LRIG1: variants seen among roughly 807,000 people sequenced by gnomAD.
LRIG1 encodes leucine-rich repeats and immunoglobulin-like domains protein 1.
Under a neutral mutation model 99.2 loss-of-function variants are expected in LRIG1, and 48 were observed. That is an observed-to-expected ratio of 0.48 (90% CI 0.38 to 0.62). The LOEUF (loss-of-function observed/expected upper bound fraction) is 0.62, where lower values mean the gene tolerates loss of function less well. Ranked by LOEUF, LRIG1 falls within the 20% of genes least tolerant of loss-of-function variation. The pLI is 0.00. For missense variants in LRIG1, 1,646 were observed against 1,434.4 expected, an observed-to-expected ratio of 1.15 and a Z score of -2.38; for synonymous variants, 772 against 596.1, an observed-to-expected ratio of 1.29 and a Z score of -4.30.
In LRIG1 at chr3:66,428,071, T is replaced by C. The variant is rs151176450; in HGVS notation, c.366-10805A>G. Among the ~76,000 whole-genome samples the C allele has an allele frequency of 4.9e-3, 743 of 152,334 alleles. 10 individuals carry two copies. The highest frequency in any genetic ancestry group is 0.013 in the African/African-American group (540 of 41,580). Reference sequence around the variant, plus strand: ...ATTGAGTTATTTCCAATTCAGGCTATTGCAAAAATCACAGCTATGAACACG... The same window carrying C: ...ATTGAGTTATTTCCAATTCAGGCTACTGCAAAAATCACAGCTATGAACACG... On this transcript the variant is annotated intron_variant, in intron 3 of 18. Coordinates refer to ENST00000273261, the MANE Select transcript of LRIG1 (RefSeq NM_015541.3).
intron 1 of LRIG1, among the ~76,000 whole-genome samples, chr3:66,474,035 T>G (rs1003472608): frequency 6.6e-6 from 1 of 152,240 alleles, no homozygotes; most frequent in Non-Finnish European, 1.5e-5. Flanking sequence ...TCCCTGGTTC[T>G]GGTTGTTGAA....
rs35066235 is a variant in LRIG1, at chr3:66,380,824, G to T, written c.2808C>A (p.Thr936=). 11 of 1,614,060 alleles carry T rather than the reference G, an allele frequency of 6.8e-6. No homozygotes were observed. Among genetic ancestry groups the T allele is most frequent in the Non-Finnish European group, 8.5e-6 (10 of 1,180,042 alleles). ...GTCCCCTGGAGTAACAGTCCACTTC[G>T]GTGTTGCAGTCACTGCATACGACCC... is the stretch of plus-strand genomic sequence containing the variant. The part of the protein sequence containing the change: ...GGRVVCSDCN[T]EVDCYSRGQA... Residue 936 remains threonine (T), a synonymous_variant, in exon 18 of 19, where the codon ACC becomes ACA. Coordinates refer to ENST00000273261, the MANE Select transcript of LRIG1 (RefSeq NM_015541.3).
At chr3:66,409,898 G>A (rs1307854932) in intron 7 of LRIG1, 2 of 457,260 alleles carry the variant, frequency 4.4e-6, no homozygotes, top group Non-Finnish European at 7.8e-6. Flanking sequence ...TGCTACTCCT[G>A]GAGCCCCTGC....
chr3:66,436,677 G>A (rs1287873731), intron 3 of LRIG1, among the ~76,000 whole-genome samples: 3 of 152,082 alleles, frequency 2.0e-5, no homozygotes, highest in Non-Finnish European at 4.4e-5. Flanking sequence ...TGAAGAGGAG[G>A]GGGGAATATA....
rs575091546 is a variant in LRIG1 at position 66,382,636 on chromosome 3, G to A, written c.2492-238C>T. 6.6e-5 allele frequency among the ~76,000 whole-genome samples: 10 copies of A among 152,274 alleles called. No homozygotes were observed. In the East Asian group the frequency reaches 1.5e-3, roughly 24 times the overall value. The stretch of plus-strand genomic sequence containing the variant: ...CAGACGCCACAAGAAGTGGAGACCA[G>A]TGATGGAAAGCCGGGGCTCACAGAA... On this transcript the variant is annotated intron_variant, in intron 15 of 18. Coordinates refer to ENST00000273261, the MANE Select transcript of LRIG1 (RefSeq NM_015541.3).
At chr3:66,403,658 G>A (rs918827985) in intron 9 of LRIG1, among the ~76,000 whole-genome samples, 1 of 152,204 alleles carries the variant, frequency 6.6e-6, no homozygotes, top group Admixed American at 6.5e-5. Context: ...GACTCATGCA[G>A]CACTGGAAGC....
chr3:66,500,283 G>T lies in LRIG1; in HGVS notation c.125C>A (p.Ala42Glu), dbSNP rs1220665821. The stretch of plus-strand genomic sequence containing the variant: ...GTCCCCAGCGCAAGTGCAGGCGGCC[G>T]CGCAGGGCGCCCGCGGGCCGGCCGC... ...TAAAGPRAPC[A>E]AACTCAGDSL... is the part of the protein sequence containing the mutation. Residue 42 changes from alanine (A) to glutamate (E), a missense_variant, in exon 1 of 19, where the codon GCG becomes GAG. Coordinates refer to ENST00000273261, the MANE Select transcript of LRIG1 (RefSeq NM_015541.3). The T allele has an allele frequency of 2.0e-6, 3 of 1,480,874 alleles. No homozygotes were observed. The highest frequency in any genetic ancestry group is 4.8e-5 in the Admixed American group (2 of 41,962). The allele number at this position is 1,480,874 out of a possible 1,614,324, so 91.7% of individuals were successfully genotyped here. A position where few individuals can be genotyped will look rare whatever the true frequency, so the allele number is the denominator to read the frequency against.
chr3:66,437,484 G>T (rs1273567935), intron 3 of LRIG1, among the ~76,000 whole-genome samples: 2 of 152,152 alleles, frequency 1.3e-5, no homozygotes, highest in Non-Finnish European at 2.9e-5. Flanking sequence ...ATCCAGGCAA[G>T]CAAGACTTAT....
intron 3 of LRIG1, among the ~76,000 whole-genome samples, chr3:66,418,073 T>C (rs1702671025): frequency 6.6e-6 from 1 of 151,176 alleles, no homozygotes; most frequent in Admixed American, 6.6e-5. Flanking sequence ...CCACTGTAAC[T>C]TGTGTTTTTT....
At chr3:66,422,102 C>A (rs562430247) in intron 3 of LRIG1, among the ~76,000 whole-genome samples, 1 of 152,338 alleles carries the variant, frequency 6.6e-6, no homozygotes, top group East Asian at 1.9e-4. Flanking sequence ...CCCACGAAAC[C>A]ACTTTTTCCT....
chr3:66,400,281 C>T (rs1702005919), intron 9 of LRIG1, among the ~76,000 whole-genome samples: 1 of 152,330 alleles, frequency 6.6e-6, no homozygotes, highest in East Asian at 1.9e-4. Flanking sequence ...AGGGTGGACA[C>T]TGGGAATGAA....
At position 66,451,542 on chromosome 3, in the gene LRIG1, C is replaced by G. The variant is rs1216643149; in HGVS notation, c.365+17G>C. 6 of 1,613,494 alleles carry G rather than the reference C, an allele frequency of 3.7e-6. No homozygotes were observed. The highest frequency in any genetic ancestry group is 4.2e-6 in the Non-Finnish European group (5 of 1,179,706). On this transcript the variant is annotated intron_variant, in intron 3 of 18. Coordinates refer to ENST00000273261, the MANE Select transcript of LRIG1 (RefSeq NM_015541.3). The stretch of plus-strand genomic sequence containing the variant: ...CCCCACCACACAGCCCAGAGTCCCC[C>G]AAACGGCACCACTTACAGAAAGAGA...
intron 3 of LRIG1, among the ~76,000 whole-genome samples, chr3:66,428,381 A>T (rs1377588955): frequency 6.6e-6 from 1 of 152,172 alleles, no homozygotes; most frequent in African/African-American, 2.4e-5. Flanking sequence ...CACATTAGGA[A>T]TATAGCCTGG....
intron 3 of LRIG1, among the ~76,000 whole-genome samples, chr3:66,446,284 G>A (rs911084945): frequency 2.0e-5 from 3 of 152,024 alleles, no homozygotes; most frequent in African/African-American, 4.8e-5. Flanking sequence ...GAAGGGGGAA[G>A]GTGACCACCT....
chr3:66,380,529 C>G (rs754550332), intron 18 of LRIG1, 40 bp from the exon 19 acceptor site: 10 of 1,613,458 alleles, frequency 6.2e-6, no homozygotes, highest in African/African-American at 2.7e-5. Flanking sequence ...CCCACTTGAC[C>G]GTTTAAGCAG....
chr3:66,481,474 C>T (rs1331250525), intron 1 of LRIG1, among the ~76,000 whole-genome samples: 1 of 152,056 alleles, frequency 6.6e-6, no homozygotes, highest in Non-Finnish European at 1.5e-5. Context: ...GGAACCACCT[C>T]GAAATTGGCA....
intron 9 of LRIG1, chr3:66,401,488 C>T (rs1702052572): frequency 3.5e-6 from 2 of 573,278 alleles, no homozygotes; most frequent in Admixed American, 3.8e-5. Flanking sequence ...TCACATTGAC[C>T]TGTTTTACAA....
At chr3:66,438,457 T>G (rs749205941) in intron 3 of LRIG1, among the ~76,000 whole-genome samples, 1 of 152,054 alleles carries the variant, frequency 6.6e-6, no homozygotes, top group African/African-American at 2.4e-5. Flanking sequence ...AACCAGCCCC[T>G]CTCCTTACAG....
chr3:66,402,269 C>T (rs1413331197), intron 9 of LRIG1, among the ~76,000 whole-genome samples: 1 of 152,186 alleles, frequency 6.6e-6, no homozygotes, highest in African/African-American at 2.4e-5. Context: ...TCGTGCAGGC[C>T]CCAGCCCGGG....
Sources: gnomAD v4.1 joint callset for allele counts (sites outside exome capture counted in the v4.1 genomes callset) on GRCh38, gnomAD v4.1.1 for gene constraint, MANE v1.5 for transcripts, NCBI Gene and HGNC (gene_info 2026-07-23, HGNC 2026-07-21) for gene names.